PPP2R2A: variants seen among roughly 807,000 people sequenced by gnomAD.
The protein encoded by PPP2R2A is protein phosphatase 2 regulatory subunit Balpha.
A neutral mutation model predicts 53.2 loss-of-function variants in PPP2R2A; 9 were observed. The ratio of observed to expected loss-of-function variants is 0.17; its 90% CI spans 0.10 to 0.30. The LOEUF (loss-of-function observed/expected upper bound fraction) is 0.30, where lower values mean the gene tolerates loss of function less well. Ranked by LOEUF, PPP2R2A falls within the 10% of genes least tolerant of loss-of-function variation. PPP2R2A has a pLI of 1.00. For missense variants in PPP2R2A, 235 were observed against 534.6 expected, an observed-to-expected ratio of 0.44 and a Z score of 5.53; for synonymous variants, 169 against 174.2, an observed-to-expected ratio of 0.97 and a Z score of 0.23.
rs1358737622 is a variant in PPP2R2A at position 26,338,604 on chromosome 8, T to G, written c.83-286T>G. 1.3e-5 allele frequency among the ~76,000 whole-genome samples: 2 copies of G among 152,266 alleles called. No homozygotes were observed. The highest frequency in any genetic ancestry group is 2.9e-5 in the Non-Finnish European group (2 of 68,046). ...GCTATCAGAATGATTCACAAATTGT[T>G]GATTTCTTTGCATTCACAAATTTAG... On this transcript the variant is annotated intron_variant, in intron 2 of 9. Coordinates refer to ENST00000380737, the MANE Select transcript of PPP2R2A (RefSeq NM_002717.4). The surrounding 1 kb of genome is among the most constrained non-coding windows in gnomAD (Gnocchi z 4.5).
chr8:26,307,751 C>T (rs905196543), intron 2 of PPP2R2A, among the ~76,000 whole-genome samples: 1 of 152,126 alleles, frequency 6.6e-6, no homozygotes, highest in Non-Finnish European at 1.5e-5. Context: ...GCTTTATATG[C>T]ATTATCTCGT....
At chr8:26,357,012 T>C (rs1452185399) in intron 4 of PPP2R2A, among the ~76,000 whole-genome samples, 1 of 152,206 alleles carries the variant, frequency 6.6e-6, no homozygotes, top group Non-Finnish European at 1.5e-5. Context: ...AAAATACAGC[T>C]AACTGGGGGC....
intron 2 of PPP2R2A, among the ~76,000 whole-genome samples, chr8:26,303,590 A>G (rs1329957757): frequency 2.0e-5 from 3 of 152,224 alleles, no homozygotes; most frequent in Admixed American, 6.5e-5. Context: ...TGAAGTGAAC[A>G]ACATAATTAT....
intron 9 of PPP2R2A, among the ~76,000 whole-genome samples, chr8:26,367,852 A>AT (rs1805460708): frequency 6.6e-6 from 1 of 152,228 alleles, no homozygotes; most frequent in African/African-American, 2.4e-5. Context: ...TATGGCACAG[A>AT]ACAAAGTCAG....
intron 2 of PPP2R2A, chr8:26,333,337 CTTTT>C (rs1234790161): frequency 4.3e-6 from 1 of 233,730 alleles, no homozygotes; most frequent in Non-Finnish European, 8.1e-6. Flanking sequence ...ATTTCTTTGT[CTTTT>C]TTGTTTTTGT....
rs1804652977 is a variant in PPP2R2A at position 26,354,106 on chromosome 8, A to T, written c.181-362A>T. 6.6e-6 allele frequency among the ~76,000 whole-genome samples: 1 copy of T among 152,188 alleles called. No individual in the cohort carries two copies. Among genetic ancestry groups the T allele is most frequent in the South Asian group, 2.1e-4 (1 of 4,830 alleles). ...CCTAGCTCTTTCTGGGCAAGACTTT[A>T]TCATTATTTTTAGATGAACTTCCTT... On this transcript the variant is annotated intron_variant, in intron 3 of 9. Coordinates refer to ENST00000380737, the MANE Select transcript of PPP2R2A (RefSeq NM_002717.4). This position sits in a 1 kb window ranked among gnomAD's most constrained non-coding sequence, Gnocchi z 4.6.
rs1476962967 is a variant in PPP2R2A at position 26,361,914 on chromosome 8, T to TTG, written c.637+766_638-766dup. ...AGATAGAGGTTGCAGTGAGCTGAGA[T>TTG]TGTGCCATTGCACTCCAGCCTGGGC... On this transcript the variant is annotated intron_variant, in intron 6 of 9. Transcript: ENST00000380737. Among the ~76,000 whole-genome samples, 11 of 151,606 alleles carry TTG rather than the reference T, an allele frequency of 7.3e-5. No individual in the cohort carries two copies. In the East Asian group the frequency reaches 1.9e-3, roughly 27 times the overall value.
intron 2 of PPP2R2A, among the ~76,000 whole-genome samples, chr8:26,333,747 A>T (rs912589148): frequency 6.6e-6 from 1 of 152,210 alleles, no homozygotes; most frequent in Non-Finnish European, 1.5e-5. Flanking sequence ...AATACATAAG[A>T]AACAGAAGAT....
chr8:26,325,693 G>T (rs983267317), intron 2 of PPP2R2A, among the ~76,000 whole-genome samples: 2 of 152,068 alleles, frequency 1.3e-5, no homozygotes, highest in African/African-American at 4.8e-5. Flanking sequence ...CTTAAAGTTT[G>T]TTCACTTATG....
intron 2 of PPP2R2A, among the ~76,000 whole-genome samples, chr8:26,300,046 A>G (rs766837485): frequency 2.0e-5 from 3 of 152,214 alleles, no homozygotes; most frequent in South Asian, 2.1e-4. Flanking sequence ...ATTAAATACC[A>G]TGAATGATAG....
rs1220011903 is a variant in PPP2R2A, at chr8:26,312,376, C to G, written c.82+18636C>G. On this transcript the variant is annotated intron_variant, in intron 2 of 9. Transcript: ENST00000380737. The stretch of plus-strand genomic sequence containing the variant: ...CTTGTGGGGGATCCTGTGATTTTTG[C>G]ATTTCTGATCAGCTCCCAGTGATGC... Among the ~76,000 whole-genome samples the G allele has an allele frequency of 2.6e-5, 4 of 152,194 alleles. No homozygotes were observed. The East Asian group carries it at 7.7e-4, about 29-fold the overall frequency.
chr8:26,361,271 G>A, intron 6 of PPP2R2A, 120 bp downstream of exon 6: 1 of 913,744 alleles, frequency 1.1e-6, no homozygotes, highest in South Asian at 2.8e-5. Context: ...TATATGTATG[G>A]CACCTTATTT....
At chr8:26,336,586 A>G (rs1338228302) in intron 2 of PPP2R2A, among the ~76,000 whole-genome samples, 2 of 152,160 alleles carry the variant, frequency 1.3e-5, no homozygotes, top group Non-Finnish European at 2.9e-5. Context: ...TCCTTATTAG[A>G]AATTGAGCCC....
Position 26,362,552 on chromosome 8 carries a change from A to AT in PPP2R2A, c.638-131dup. The AT allele has an allele frequency of 1.2e-6, 1 of 827,100 alleles. No individual in the cohort carries two copies. Among genetic ancestry groups the AT allele is most frequent in the Non-Finnish European group, 1.8e-6 (1 of 540,950 alleles). The allele number at this position is 827,100 out of a possible 1,614,324, so 51.2% of individuals were successfully genotyped here. A position where few individuals can be genotyped will look rare whatever the true frequency, so the allele number is the denominator to read the frequency against. On this transcript the variant is annotated intron_variant, in intron 6 of 9. Transcript: ENST00000380737. The surrounding 1 kb of genome is among the most constrained non-coding windows in gnomAD (Gnocchi z 4.4). ...TTTAATCCCTTTGGAATTTATACTCATAAAAACAGTGGAGTGCAATTCAGA... is the reference window on the plus strand; with the variant it reads ...TTTAATCCCTTTGGAATTTATACTCATTAAAAACAGTGGAGTGCAATTCAGA...
At chr8:26,299,423 A>G (rs1272285890) in intron 2 of PPP2R2A, among the ~76,000 whole-genome samples, 1 of 152,200 alleles carries the variant, frequency 6.6e-6, no homozygotes, top group Non-Finnish European at 1.5e-5. Flanking sequence ...ACAGGAAATT[A>G]TTTTAGGATA....
intron 2 of PPP2R2A, among the ~76,000 whole-genome samples, chr8:26,330,401 C>T (rs1396563057): frequency 2.6e-5 from 4 of 151,458 alleles, no homozygotes; most frequent in Non-Finnish European, 4.4e-5. Flanking sequence ...CTTCACCTCC[C>T]GGGTTCAAGC....
chr8:26,294,751 ACT>A (rs1801469627), intron 2 of PPP2R2A, among the ~76,000 whole-genome samples: 1 of 151,922 alleles, frequency 6.6e-6, no homozygotes, highest in South Asian at 2.1e-4. Context: ...TGGTAGCCGA[ACT>A]CTCTTATTTG....
intron 1 of PPP2R2A, 124 bp downstream of exon 1, chr8:26,291,950 T>A: frequency 8.2e-7 from 1 of 1,217,678 alleles, no homozygotes; most frequent in Non-Finnish European, 1.1e-6. Context: ...TTTGAGGGAG[T>A]AGGGTCCAGA....
chr8:26,368,576 A>G (rs1276457775), intron 9 of PPP2R2A, among the ~76,000 whole-genome samples: 3 of 152,262 alleles, frequency 2.0e-5, no homozygotes, highest in Non-Finnish European at 4.4e-5. Context: ...TGGTAAAAGT[A>G]AAATGATGTT....
Sources: allele counts gnomAD v4.1 joint callset (sites outside exome capture counted in the v4.1 genomes callset), GRCh38; gene constraint gnomAD v4.1.1; non-coding constraint Gnocchi (gnomAD v3.1); transcripts MANE v1.5; gene names NCBI Gene and HGNC (gene_info 2026-07-23, HGNC 2026-07-21).